DHRS12: variants seen among roughly 807,000 people sequenced by gnomAD.
DHRS12 encodes dehydrogenase/reductase 12, also known as dehydrogenase/reductase SDR family member 12.
A neutral mutation model predicts 32.1 loss-of-function variants in DHRS12; 29 were observed. That is an observed-to-expected ratio of 0.90 (90% CI 0.67 to 1.23). DHRS12 has a LOEUF of 1.23. DHRS12 is among the 50% of genes most tolerant of loss of function. The pLI is 0.00. For synonymous variants in DHRS12, 150 were observed against 135.9 expected (o/e 1.10, Z -0.72); for missense variants, 330 against 337.2 (o/e 0.98, Z 0.17).
In DHRS12 at chr13:51,797,864, C is replaced by G. The variant is rs61741906; in HGVS notation, c.126+1670G>C. Reference sequence around the variant, plus strand: ...TCCCGGATGATCTCACCCCTGGCATCTTCTGCTGGGGCTTGATCTCGACAA... The same window carrying G: ...TCCCGGATGATCTCACCCCTGGCATGTTCTGCTGGGGCTTGATCTCGACAA... On this transcript the variant is annotated intron_variant, in intron 2 of 8. Transcript: ENST00000444610. The G allele has an allele frequency of 1.1e-3, 1,665 of 1,535,756 alleles. 2 individuals carry two copies. Among genetic ancestry groups the G allele is most frequent in the Non-Finnish European group, 1.3e-3 (1,548 of 1,146,912 alleles).
chr13:51,756,166 C>G, the DHRS12 span, among the ~76,000 whole-genome samples: 1 of 152,178 alleles, frequency 6.6e-6, no homozygotes, highest in African/African-American at 2.4e-5. Context: ...AACAGAGCCC[C>G]AGAGAAGAAC....
intron 2 of DHRS12, among the ~76,000 whole-genome samples, chr13:51,795,937 T>C (rs1342912639): frequency 6.6e-6 from 1 of 152,152 alleles, no homozygotes; most frequent in East Asian, 1.9e-4. Flanking sequence ...GCACACACAC[T>C]TCAAGGAAAC....
chr13:51,771,011 C>T (rs1953983754), intron 7 of DHRS12: 1 of 1,413,548 alleles, frequency 7.1e-7, no homozygotes, highest in Admixed American at 2.9e-5. Flanking sequence ...AAGGCCATGC[C>T]AGCAGTGTGT....
At chr13:51,763,983 C>A (rs1953669439), downstream of DHRS12, 1 of 152,124 alleles carries the variant, frequency 6.6e-6, no homozygotes, top group Non-Finnish European at 1.5e-5. Context: ...TGTTCTTGTT[C>A]ACTAAGATAT....
the DHRS12 span, chr13:51,758,294 T>C: frequency 6.3e-7 from 1 of 1,587,826 alleles, no homozygotes; most frequent in Non-Finnish European, 8.6e-7. Context: ...CTGACAAGGT[T>C]ATTAAGGTAA....
the DHRS12 span, among the ~76,000 whole-genome samples, chr13:51,759,334 A>T: frequency 1.3e-5 from 2 of 152,212 alleles, no homozygotes; most frequent in African/African-American, 4.8e-5. Context: ...TATTTAATGG[A>T]TTCAATCTAT....
intron 4 of DHRS12, among the ~76,000 whole-genome samples, chr13:51,781,496 C>G (rs1954703868): frequency 6.6e-6 from 1 of 152,204 alleles, no homozygotes; most frequent in South Asian, 2.1e-4. Flanking sequence ...ACGTGACTAA[C>G]CTACACTCAC....
rs1425662353 is a variant in DHRS12 at position 51,768,241 on chromosome 13, G to A, written c.753C>T (p.Ala251=). 2.1e-5 allele frequency: 32 copies of A among 1,535,976 alleles called. No homozygotes were observed. The highest frequency in any genetic ancestry group is 4.9e-5 in the East Asian group (2 of 40,916). Residue 251 remains alanine (A), a synonymous_variant, in exon 9 of 9, where the codon GCC becomes GCT. Coordinates refer to ENST00000444610, the MANE Select transcript of DHRS12 (RefSeq NM_001377533.1). ...GGATTTCAATGAGTTTCTCCTCTTCGGCCGGTGAGGAGGACGCTGTAGCGA... is the reference window on the plus strand; with the variant it reads ...GGATTTCAATGAGTTTCTCCTCTTCAGCCGGTGAGGAGGACGCTGTAGCGA... ...LPLATASSSP[A]EEEKLIEILE... is the part of the protein sequence containing the mutation.
intron 5 of DHRS12, 174 bp from the exon 6 acceptor site, chr13:51,774,208 ATGTATTCTCCTACAGTACAT>A (rs1479604872): frequency 4.0e-4 from 238 of 590,858 alleles, no homozygotes; most frequent in African/African-American, 3.8e-3. Flanking sequence ...ATTCTCCTAC[ATGTATTCTCCTACAGTACAT>A]GTATTCTCCT....
At chr13:51,795,897 T>C (rs1391355171) in intron 2 of DHRS12, among the ~76,000 whole-genome samples, 1 of 152,092 alleles carries the variant, frequency 6.6e-6, no homozygotes, top group Non-Finnish European at 1.5e-5. Flanking sequence ...CCCACTATGA[T>C]ACAGAGCATG....
intron 5 of DHRS12, chr13:51,776,003 AGTATTCTCCTACAT>A (rs745574500): frequency 0.013 from 1,247 of 96,420 alleles, 1 homozygote; most frequent in East Asian, 0.03. Context: ...TGTATTCTAC[AGTATTCTCCTACAT>A]GTATTCTCCT....
chr13:51,779,363 TAAC>T (rs1954597314), intron 4 of DHRS12, among the ~76,000 whole-genome samples: 1 of 152,202 alleles, frequency 6.6e-6, no homozygotes, highest in Non-Finnish European at 1.5e-5. Flanking sequence ...ATCCTGTTTA[TAAC>T]AACAACAAAC....
chr13:51,774,098 T>TGTA (rs1954188401), intron 5 of DHRS12, 64 bp from the exon 6 acceptor site: 6 of 1,459,322 alleles, frequency 4.1e-6, no homozygotes, highest in Non-Finnish European at 5.7e-6. Context: ...CTTCACCCCC[T>TGTA]GTAGAGCAGT....
At chr13:51,795,828 T>C (rs1483992942) in intron 2 of DHRS12, among the ~76,000 whole-genome samples, 1 of 152,046 alleles carries the variant, frequency 6.6e-6, no homozygotes, top group African/African-American at 2.4e-5. Flanking sequence ...AGCTGTCTGG[T>C]TGTAGGAGCT....
At chr13:51,777,317 T>A in intron 4 of DHRS12, 196 bp from the exon 5 acceptor site, 2 of 606,416 alleles carry the variant, frequency 3.3e-6, no homozygotes, top group Non-Finnish European at 5.9e-6. Context: ...GAAAGATGCC[T>A]TAGAGCCTCA....
intron 8 of DHRS12, chr13:51,768,596 G>A: frequency 8.1e-7 from 1 of 1,229,172 alleles, no homozygotes; most frequent in Non-Finnish European, 1.0e-6. Context: ...CAGCGCTTCA[G>A]AATTCCTCAA....
In DHRS12 at chr13:51,769,225, C is replaced by T. The variant is rs145818380; in HGVS notation, c.628G>A (p.Ala210Thr). 1.5e-3 allele frequency: 2,297 copies of T among 1,583,086 alleles called. 2 individuals carry two copies. Among genetic ancestry groups the T allele is most frequent in the Non-Finnish European group, 1.8e-3 (2,112 of 1,165,944 alleles). The change falls in exon 8 of 9, where the codon GCG (alanine) becomes ACG (threonine). Residue 210 changes from alanine to threonine, a missense_variant. Ala to Thr is a moderately conservative substitution (Grantham distance 58, BLOSUM62 0). Coordinates refer to ENST00000444610, the MANE Select transcript of DHRS12 (RefSeq NM_001377533.1). ...AGGGCCAGCCACAGCATGGTGTCCG[C>T]GCCCTGGGCCTCGGAGCGCAGGCGG... ...GDRLRSEAQG[A>T]DTMLWLALSS...
At chr13:51,793,272 G>A (rs1483311414) in intron 2 of DHRS12, among the ~76,000 whole-genome samples, 7 of 152,168 alleles carry the variant, frequency 4.6e-5, no homozygotes, top group Non-Finnish European at 1.0e-4. Context: ...CATCCTCTCT[G>A]AGCATCAGTG....
At chr13:51,800,640 G>C (rs1336151504) in intron 1 of DHRS12, among the ~76,000 whole-genome samples, 1 of 152,264 alleles carries the variant, frequency 6.6e-6, no homozygotes, top group African/African-American at 2.4e-5. Context: ...TTACAAAAGG[G>C]TAGCCAACAG....
Sources: allele counts gnomAD v4.1 joint callset (sites outside exome capture counted in the v4.1 genomes callset), GRCh38; gene constraint gnomAD v4.1.1; transcripts MANE v1.5; gene names NCBI Gene and HGNC (gene_info 2026-07-23, HGNC 2026-07-21).